CDH2: variants seen among roughly 807,000 people sequenced by gnomAD.
CDH2 encodes cadherin-2.
In CDH2, 17 loss-of-function variants were observed where a neutral mutation model predicts 92.0. The observed-to-expected ratio is 0.18, with a 90% confidence interval of 0.13 to 0.28. The LOEUF (loss-of-function observed/expected upper bound fraction) is 0.28, where lower values mean the gene tolerates loss of function less well. Ranked by LOEUF, CDH2 falls within the 10% of genes least tolerant of loss-of-function variation. The probability of loss-of-function intolerance (pLI) is 1.00; values close to 1 mark genes in which losing one functional copy is unlikely to be tolerated. For missense variants in CDH2, 862 were observed against 1,133.1 expected (o/e 0.76, Z 3.44); for synonymous variants, 419 against 415.9 (o/e 1.01, Z -0.09).
chr18:28,083,451 T>C (rs2014868597), intron 2 of CDH2, among the ~76,000 whole-genome samples: 1 of 152,112 alleles, frequency 6.6e-6, no homozygotes, highest in African/African-American at 2.4e-5. Context: ...TTAAAAATCT[T>C]TGAAGTACAA....
intron 15 of CDH2, among the ~76,000 whole-genome samples, chr18:27,956,397 T>C (rs1389554383): frequency 6.6e-6 from 1 of 152,210 alleles, no homozygotes; most frequent in Non-Finnish European, 1.5e-5. Context: ...ATTTATAGAC[T>C]TCTGATCCCA....
At chr18:28,087,893 AG>A (rs1238290263) in intron 2 of CDH2, among the ~76,000 whole-genome samples, 1 of 152,236 alleles carries the variant, frequency 6.6e-6, no homozygotes, top group Non-Finnish European at 1.5e-5. Flanking sequence ...TGTATTATAA[AG>A]GACAGGCAAA....
At chr18:28,132,428 T>G (rs2015787602) in intron 2 of CDH2, among the ~76,000 whole-genome samples, 1 of 152,178 alleles carries the variant, frequency 6.6e-6, no homozygotes, top group South Asian at 2.1e-4. Flanking sequence ...TTCTTGAGAT[T>G]ACTGGCTTCC....
intron 2 of CDH2, among the ~76,000 whole-genome samples, chr18:28,131,216 A>G (rs1481553463): frequency 6.6e-6 from 1 of 152,238 alleles, no homozygotes; most frequent in Non-Finnish European, 1.5e-5. Flanking sequence ...CAAATTTAGA[A>G]TTATATCATC....
intron 2 of CDH2, among the ~76,000 whole-genome samples, chr18:28,135,273 A>C (rs1370819739): frequency 6.6e-6 from 1 of 152,218 alleles, no homozygotes; most frequent in African/African-American, 2.4e-5. Flanking sequence ...TCAATGTATC[A>C]TTGCTGAAAT....
intron 2 of CDH2, among the ~76,000 whole-genome samples, chr18:28,024,017 C>T (rs11564330): frequency 0.17 from 25,364 of 151,990 alleles, 2,415 homozygotes; most frequent in South Asian, 0.29. Flanking sequence ...TAAAAGATGG[C>T]TTTTAAAACT....
chr18:28,093,434 G>GAA (rs1046673345), intron 2 of CDH2, among the ~76,000 whole-genome samples: 12 of 151,912 alleles, frequency 7.9e-5, no homozygotes, highest in Non-Finnish European at 1.3e-4. Context: ...AAAATTCTGG[G>GAA]AATCAATAAT....
At chr18:27,963,255 G>A (rs909157076) in intron 15 of CDH2, 102 bp downstream of exon 15, 2 of 952,970 alleles carry the variant, frequency 2.1e-6, no homozygotes, top group Non-Finnish European at 3.0e-6. Context: ...GTATGTTTTA[G>A]TGAACTATAT....
At chr18:27,965,990 G>GAAAAAAAAAAA (rs373927434) in intron 14 of CDH2, among the ~76,000 whole-genome samples, 1 of 58,660 alleles carries the variant, frequency 1.7e-5, no homozygotes, top group Non-Finnish European at 3.0e-5. Flanking sequence ...TGTCTAAAAG[G>GAAAAAAAAAAA]AAAAAAAAAA....
chr18:27,955,761 GTTTTTTTTTT>G (rs5823568), intron 15 of CDH2, among the ~76,000 whole-genome samples: 1 of 111,716 alleles, frequency 9.0e-6, no homozygotes, highest in Non-Finnish European at 1.8e-5. Context: ...CTTTATTTCT[GTTTTTTTTTT>G]TTTTTTTTTA....
At chr18:27,979,248 G>A (rs567655700) in intron 14 of CDH2, among the ~76,000 whole-genome samples, 3 of 152,234 alleles carry the variant, frequency 2.0e-5, no homozygotes, top group East Asian at 3.9e-4. Context: ...GGGTAAAACC[G>A]TAGGCAGGAA....
chr18:28,039,253 G>A (rs1337097984), intron 2 of CDH2, among the ~76,000 whole-genome samples: 2 of 151,986 alleles, frequency 1.3e-5, no homozygotes, highest in Admixed American at 6.6e-5. Flanking sequence ...TCAGGATTGC[G>A]CGGCATAGGG....
intron 2 of CDH2, among the ~76,000 whole-genome samples, chr18:28,051,053 T>C (rs1567979302): frequency 6.6e-6 from 1 of 152,204 alleles, no homozygotes; most frequent in Non-Finnish European, 1.5e-5. Flanking sequence ...AATTTTTCCT[T>C]CTCAATTCTA....
At chr18:27,936,250 A>C (rs1233536005) in intron 6 of CDH2, among the ~76,000 whole-genome samples, 1 of 152,112 alleles carries the variant, frequency 6.6e-6, no homozygotes, top group African/African-American at 2.4e-5. Flanking sequence ...TGCCTCTCAT[A>C]ATAGCCTTTT....
chr18:28,165,079 T>C (rs1489791975), intron 1 of CDH2, among the ~76,000 whole-genome samples: 1 of 152,218 alleles, frequency 6.6e-6, no homozygotes, highest in African/African-American at 2.4e-5. Flanking sequence ...AATTAAATTA[T>C]CCATTGATTG....
chr18:28,064,138 G>GT (rs1020914415), intron 2 of CDH2, among the ~76,000 whole-genome samples: 1 of 151,594 alleles, frequency 6.6e-6, no homozygotes. Flanking sequence ...CTCAAAAGAG[G>GT]GGGGGGTAGG....
intron 2 of CDH2, among the ~76,000 whole-genome samples, chr18:28,032,815 T>G (rs956667469): frequency 1.3e-5 from 2 of 152,020 alleles, no homozygotes; most frequent in African/African-American, 4.8e-5. Context: ...CCATTCCATT[T>G]TAGCACCAAG....
chr18:28,074,691 CTT>C (rs33980354), intron 2 of CDH2, among the ~76,000 whole-genome samples: 20 of 146,074 alleles, frequency 1.4e-4, no homozygotes, highest in South Asian at 8.7e-4. Context: ...AAAGGAGGCC[CTT>C]TTTTTTTTTT....
At chr18:28,013,097 G>A (rs972716858) in intron 3 of CDH2, among the ~76,000 whole-genome samples, 1 of 152,110 alleles carries the variant, frequency 6.6e-6, no homozygotes, top group Admixed American at 6.6e-5. Flanking sequence ...TACAAATTAA[G>A]TGCTCAATAA....
Sources: gnomAD v4.1 joint callset for allele counts (sites outside exome capture counted in the v4.1 genomes callset) on GRCh38, gnomAD v4.1.1 for gene constraint, MANE v1.5 for transcripts, NCBI Gene and HGNC (gene_info 2026-07-23, HGNC 2026-07-21) for gene names.